The following MSI2 variants were observed in gnomAD, a reference collection of about 807,000 sequenced individuals.
The protein encoded by MSI2 is RNA-binding protein Musashi homolog 2.
MSI2 carries 17 observed loss-of-function variants against 45.6 expected under a neutral mutation model. The ratio of observed to expected loss-of-function variants is 0.37; its 90% CI spans 0.26 to 0.56. MSI2 has a LOEUF of 0.56. Ranked by LOEUF, MSI2 falls within the 20% of genes least tolerant of loss-of-function variation. The probability of loss-of-function intolerance (pLI) is 0.77; values close to 1 mark genes in which losing one functional copy is unlikely to be tolerated. For synonymous variants in MSI2, 156 were observed against 158.2 expected (o/e 0.99, Z 0.11); for missense variants, 293 against 444.2 (o/e 0.66, Z 3.06).
At chr17:57,445,565 T>C (rs1294392914) in intron 6 of MSI2, among the ~76,000 whole-genome samples, 1 of 152,014 alleles carries the variant, frequency 6.6e-6, no homozygotes, top group Non-Finnish European at 1.5e-5. Flanking sequence ...GGGGGGTGCA[T>C]TTAATCATTT....
At chr17:57,569,810 G>A (rs985347743) in intron 7 of MSI2, among the ~76,000 whole-genome samples, 1 of 152,170 alleles carries the variant, frequency 6.6e-6, no homozygotes, top group African/African-American at 2.4e-5. Flanking sequence ...CTGGGTATGT[G>A]GAACCAAAAT....
At chr17:57,539,319 G>A (rs767972593) in intron 7 of MSI2, among the ~76,000 whole-genome samples, 2 of 151,374 alleles carry the variant, frequency 1.3e-5, no homozygotes, top group Non-Finnish European at 2.9e-5. Flanking sequence ...TACTTCTTTA[G>A]TGTGAGCTTT....
chr17:57,599,478 C>T (rs1208358743), intron 8 of MSI2, among the ~76,000 whole-genome samples: 2 of 152,206 alleles, frequency 1.3e-5, no homozygotes, highest in South Asian at 2.1e-4. Context: ...TGGCTTGAAG[C>T]CAGAGAGATT....
intron 5 of MSI2, chr17:57,286,097 C>A: frequency 1.1e-6 from 1 of 946,724 alleles, no homozygotes; most frequent in East Asian, 2.9e-5. Context: ...TTTATTTTTT[C>A]TTTCTTTCTT....
chr17:57,588,982 G>A (rs926797669), intron 7 of MSI2, among the ~76,000 whole-genome samples: 1 of 152,212 alleles, frequency 6.6e-6, no homozygotes, highest in African/African-American at 2.4e-5. Flanking sequence ...TTACAGAGTG[G>A]CTGCTCAGTG....
chr17:57,357,837 A>T (rs1011187833), intron 5 of MSI2, among the ~76,000 whole-genome samples: 1 of 152,152 alleles, frequency 6.6e-6, no homozygotes, highest in Admixed American at 6.5e-5. Context: ...TAATACATTA[A>T]TCTTTTTTTT....
intron 8 of MSI2, among the ~76,000 whole-genome samples, chr17:57,604,021 C>T (rs1037540402): frequency 2.0e-5 from 3 of 152,360 alleles, no homozygotes; most frequent in African/African-American, 2.4e-5. Flanking sequence ...TTTGGGGGAG[C>T]CCCCAGGTGG....
intron 5 of MSI2, among the ~76,000 whole-genome samples, chr17:57,288,092 GT>G (rs1567737080): frequency 6.6e-6 from 1 of 152,240 alleles, no homozygotes; most frequent in African/African-American, 2.4e-5. Context: ...TTTGGAGACA[GT>G]TCTGGGATTG....
the MSI2 span, among the ~76,000 whole-genome samples, chr17:57,692,294 G>T: frequency 6.6e-6 from 1 of 152,040 alleles, no homozygotes; most frequent in Non-Finnish European, 1.5e-5. Flanking sequence ...AATTTGTACT[G>T]TTATTTTCTT....
intron 7 of MSI2, among the ~76,000 whole-genome samples, chr17:57,593,382 T>C (rs543185259): frequency 5.9e-5 from 9 of 152,302 alleles, no homozygotes; most frequent in African/African-American, 2.2e-4. Context: ...CAAGAGGTTC[T>C]GGGGGACAGT....
Position 57,596,802 on chromosome 17 carries a change from C to T in MSI2, c.455-66C>T. ...AGACCTCAGGACGTCAGAGAAAAAC[C>T]TGGGCCTGCCAGAACTGAACTCACC... On this transcript the variant is annotated intron_variant, in intron 7 of 13. Coordinates refer to ENST00000284073, the MANE Select transcript of MSI2 (RefSeq NM_138962.4). This position sits in a 1 kb window ranked among gnomAD's most constrained non-coding sequence, Gnocchi z 4.6. 1 of 1,177,580 alleles carries T rather than the reference C, an allele frequency of 8.5e-7. No homozygotes were observed. The highest frequency in any genetic ancestry group is 1.2e-5 in the South Asian group (1 of 81,904). 72.9% of individuals were successfully genotyped at this position (1,177,580 alleles called of 1,614,324 possible).
intron 5 of MSI2, among the ~76,000 whole-genome samples, chr17:57,353,868 CT>C (rs544633376): frequency 2.0e-5 from 3 of 151,066 alleles, no homozygotes; most frequent in African/African-American, 4.9e-5. Context: ...TCAGCAAACT[CT>C]TTTTTTTTAT....
At position 57,452,763 on chromosome 17, in the gene MSI2, T is replaced by G. The variant is rs2085041768; in HGVS notation, c.405+51292T>G. ...GCCAGGAGCTGAGCAAAGTGTATTT[T>G]GTACTTCATCTTACGTGTTCCTCTT... On this transcript the variant is annotated intron_variant, in intron 6 of 13. Transcript: ENST00000284073. Among the ~76,000 whole-genome samples the G allele has an allele frequency of 2.6e-5, 4 of 152,204 alleles. No individual in the cohort carries two copies. In the South Asian group the frequency reaches 8.3e-4, roughly 32 times the overall value.
chr17:57,266,037 T>A (rs770571833), intron 5 of MSI2: 20 of 152,238 alleles, frequency 1.3e-4, no homozygotes, highest in Non-Finnish European at 2.2e-4. Context: ...TAATTATCCT[T>A]GTGTATAAGA....
chr17:57,547,642 T>A (rs1032931610), intron 7 of MSI2, among the ~76,000 whole-genome samples: 1 of 151,978 alleles, frequency 6.6e-6, no homozygotes, highest in Non-Finnish European at 1.5e-5. Flanking sequence ...GGGACTGCTT[T>A]GGTGGAAGGA....
At chr17:57,582,744 T>G (rs2088238065) in intron 7 of MSI2, among the ~76,000 whole-genome samples, 1 of 152,246 alleles carries the variant, frequency 6.6e-6, no homozygotes, top group South Asian at 2.1e-4. Flanking sequence ...AATCAGTTTT[T>G]CATGCAAACT....
chr17:57,389,415 TAACAGTCC>T (rs1308688538), intron 5 of MSI2, among the ~76,000 whole-genome samples: 1 of 152,190 alleles, frequency 6.6e-6, no homozygotes, highest in African/African-American at 2.4e-5. Context: ...TTGGGACCAC[TAACAGTCC>T]TTCTGCCAGA....
chr17:57,661,361 G>C (rs1911977299), intron 11 of MSI2, among the ~76,000 whole-genome samples: 1 of 152,204 alleles, frequency 6.6e-6, no homozygotes, highest in Non-Finnish European at 1.5e-5. Context: ...AGAATTTGGA[G>C]TGGGAAGCTG....
At chr17:57,284,944 A>G (rs1286455558) in intron 5 of MSI2, among the ~76,000 whole-genome samples, 2 of 149,062 alleles carry the variant, frequency 1.3e-5, no homozygotes, top group African/African-American at 2.5e-5. Flanking sequence ...GTAACAATTT[A>G]TTGAAACTAT....
Sources: allele counts gnomAD v4.1 joint callset (sites outside exome capture counted in the v4.1 genomes callset), GRCh38; gene constraint gnomAD v4.1.1; non-coding constraint Gnocchi (gnomAD v3.1); transcripts MANE v1.5; gene names NCBI Gene and HGNC (gene_info 2026-07-23, HGNC 2026-07-21).